Variants in PKHD1L1 observed in about 807,000 individuals in gnomAD.
The protein encoded by PKHD1L1 is PKHD1 like 1, also known as fibrocystin-L.
A neutral mutation model predicts 462.9 loss-of-function variants in PKHD1L1; 434 were observed. That is an observed-to-expected ratio of 0.94 (90% CI 0.87 to 1.02). The LOEUF is 1.02. Ranked by LOEUF, PKHD1L1 falls within the 50% of genes least tolerant of loss-of-function variation. The probability of loss-of-function intolerance (pLI) is 0.00; values close to 1 mark genes in which losing one functional copy is unlikely to be tolerated. For missense variants in PKHD1L1, 5,202 were observed against 5,096.1 expected (o/e 1.02, Z -0.63); for synonymous variants, 1,781 against 1,750.0 (o/e 1.02, Z -0.44).
At chr8:109,436,138 G>A (rs987197342) in intron 29 of PKHD1L1, among the ~76,000 whole-genome samples, 200 bp from the exon 30 acceptor site, 1 of 152,142 alleles carries the variant, frequency 6.6e-6, no homozygotes, top group Non-Finnish European at 1.5e-5. Context: ...CTCATTTATG[G>A]TTCTGAGCAA....
Position 109,444,938 on chromosome 8 carries a change from G to C in PKHD1L1, c.5069G>C (p.Gly1690Ala). The C allele has an allele frequency of 6.2e-7, 1 of 1,614,004 alleles. No individual in the cohort carries two copies. The highest frequency in any genetic ancestry group is 1.3e-5 in the African/African-American group (1 of 75,042). ...KGSGFAVSSA[G>A]VKVLMGHFPC... is the part of the protein sequence containing the mutation. ...TCTGGATTTGCCGTTTCTTCTGCAG[G>C]TGTAAAAGTCCTTATGGGTCATTTC... The change falls in exon 38 of 78, where the codon GGT (glycine) becomes GCT (alanine). Residue 1690 changes from glycine (G) to alanine (A), a missense_variant. Physicochemically the swap from Gly to Ala is moderately conservative, Grantham distance 60 (BLOSUM62 0). Transcript: ENST00000378402.
chr8:109,450,331 T>A (rs1416837045), intron 40 of PKHD1L1, among the ~76,000 whole-genome samples: 20 of 152,242 alleles, frequency 1.3e-4, no homozygotes. Flanking sequence ...ACACATTTTT[T>A]AAAACCTTAG....
At chr8:109,395,339 G>T (rs1812915659) in intron 10 of PKHD1L1, among the ~76,000 whole-genome samples, 1 of 152,088 alleles carries the variant, frequency 6.6e-6, no homozygotes, top group African/African-American at 2.4e-5. Flanking sequence ...TGAGAAAATT[G>T]TACGTCATTC....
At position 109,370,777 on chromosome 8, in the gene PKHD1L1, C is replaced by T. The variant is rs1266695601; in HGVS notation, c.163+6141C>T. On this transcript the variant is annotated intron_variant, in intron 2 of 77. Transcript: ENST00000378402. Reference sequence around the variant, plus strand: ...TGTGGTGTTTGGTTTTTTGTCCTCGCGATAGCTTGCTGAGAATGATGGTTT... The same window carrying T: ...TGTGGTGTTTGGTTTTTTGTCCTCGTGATAGCTTGCTGAGAATGATGGTTT... 5.3e-5 allele frequency among the ~76,000 whole-genome samples: 8 copies of T among 152,174 alleles called. No individual in the cohort carries two copies. The East Asian group carries it at 5.8e-4, about 11-fold the overall frequency.
At position 109,481,758 on chromosome 8, in the gene PKHD1L1, T is replaced by C. The variant is rs375145496; in HGVS notation, c.9457+196T>C. On this transcript the variant is annotated intron_variant, in intron 56 of 77. Coordinates refer to ENST00000378402, the MANE Select transcript of PKHD1L1 (RefSeq NM_177531.6). ...ATAGAAGTAGCAGAGATTTTAGAAT[T>C]AAATAACCTCACATTTCACCAGGTT... Among the ~76,000 whole-genome samples, 57 of 151,970 alleles carry C rather than the reference T, an allele frequency of 3.8e-4. 2 individuals are homozygous for C. The South Asian group carries it at 0.012, about 31-fold the overall frequency.
intron 42 of PKHD1L1, 113 bp from the exon 43 acceptor site, chr8:109,452,605 A>G: frequency 1.9e-6 from 1 of 517,746 alleles, no homozygotes; most frequent in Non-Finnish European, 2.8e-6. Flanking sequence ...GTTTATATAT[A>G]TTTACTATAT....
At chr8:109,497,772 C>T (rs1271555430) in intron 65 of PKHD1L1, among the ~76,000 whole-genome samples, 1 of 149,242 alleles carries the variant, frequency 6.7e-6, no homozygotes, top group East Asian at 2.0e-4. Flanking sequence ...CCTCTTCTTG[C>T]TTATCACCTG....
intron 67 of PKHD1L1, among the ~76,000 whole-genome samples, chr8:109,503,315 C>A (rs1310926654): frequency 2.3e-5 from 3 of 132,554 alleles, no homozygotes; most frequent in East Asian, 2.4e-4. Flanking sequence ...CAAAAACAAA[C>A]AAAAAAAAAA....
At chr8:109,409,789 T>G (rs1813741315) in intron 18 of PKHD1L1, 76 bp from the exon 19 acceptor site, 1 of 639,146 alleles carries the variant, frequency 1.6e-6, no homozygotes, top group African/African-American at 1.9e-5. Context: ...AACTAATTAG[T>G]AGAATCAGTA....
intron 30 of PKHD1L1, among the ~76,000 whole-genome samples, chr8:109,438,055 A>G (rs573148510): frequency 6.6e-6 from 1 of 152,188 alleles, no homozygotes; most frequent in South Asian, 2.1e-4. Flanking sequence ...ACAATATTGT[A>G]GAGCCATCAG....
At chr8:109,486,257 T>C (rs778594018) in intron 58 of PKHD1L1, among the ~76,000 whole-genome samples, 80 of 152,050 alleles carry the variant, frequency 5.3e-4, no homozygotes, top group Non-Finnish European at 8.0e-4. Flanking sequence ...CTCCTAGCTT[T>C]GGGCAAATTC....
chr8:109,394,509 G>T, intron 10 of PKHD1L1, 24 bp downstream of exon 10: 1 of 1,423,102 alleles, frequency 7.0e-7, no homozygotes, highest in Non-Finnish European at 9.5e-7. Context: ...CTTTCACTCT[G>T]TTGCGGGGGT....
chr8:109,481,480 C>G lies in PKHD1L1; in HGVS notation c.9375C>G (p.Asp3125Glu), dbSNP rs1387871071. The G allele has an allele frequency of 6.3e-7, 1 of 1,599,462 alleles. No individual in the cohort carries two copies. The highest frequency in any genetic ancestry group is 8.5e-7 in the Non-Finnish European group (1 of 1,172,126). The stretch of plus-strand genomic sequence containing the variant: ...GGGAAGATAACCCTTTTAAAGGAGA[C>G]TTAAAGATTGTTCTTAGAGGAAATC... Reference protein sequence around the residue: ...GGWEDNPFKGDLKIVLRGNHT... With the variant: ...GGWEDNPFKGELKIVLRGNHT... Residue 3125 changes from aspartate (D) to glutamate (E), a missense_variant, in exon 56 of 78, where the codon GAC becomes GAG. Asp to Glu is a conservative substitution (Grantham distance 45, BLOSUM62 2). Around this residue, in one of 3 missense-constraint regions of PKHD1L1, gnomAD observed 4,497 missense variants for 4,336.8 expected, o/e 1.04. Coordinates refer to ENST00000378402, the MANE Select transcript of PKHD1L1 (RefSeq NM_177531.6).
intron 70 of PKHD1L1, among the ~76,000 whole-genome samples, chr8:109,508,744 A>G (rs538900831): frequency 2.4e-4 from 37 of 152,272 alleles, no homozygotes; most frequent in African/African-American, 8.9e-4. Context: ...CTTGCTATCA[A>G]CATGTTTTTT....
chr8:109,407,716 A>G (rs956978372), intron 17 of PKHD1L1, among the ~76,000 whole-genome samples: 2 of 152,178 alleles, frequency 1.3e-5, no homozygotes, highest in Admixed American at 1.3e-4. Context: ...GCACAAAACT[A>G]AAAGAATTTT....
chr8:109,491,762 A>T, intron 61 of PKHD1L1, 111 bp from the exon 62 acceptor site: 1 of 1,065,408 alleles, frequency 9.4e-7, no homozygotes, highest in Non-Finnish European at 1.3e-6. Flanking sequence ...GTCAGGCTCA[A>T]AGTAGAAAAA....
At chr8:109,416,415 C>T (rs964204970) in intron 21 of PKHD1L1, among the ~76,000 whole-genome samples, 2 of 152,284 alleles carry the variant, frequency 1.3e-5, no homozygotes, top group South Asian at 2.1e-4. Context: ...ATGGTGTTTG[C>T]ACAGAACCAT....
chr8:109,417,451 C>G (rs1814237951), intron 21 of PKHD1L1, among the ~76,000 whole-genome samples: 1 of 152,090 alleles, frequency 6.6e-6, no homozygotes, highest in African/African-American at 2.4e-5. Context: ...CTAAATGTTG[C>G]AAGACCTTTA....
At chr8:109,422,654 A>G (rs1292362045) in intron 23 of PKHD1L1, among the ~76,000 whole-genome samples, 4 of 152,170 alleles carry the variant, frequency 2.6e-5, no homozygotes, top group African/African-American at 7.2e-5. Flanking sequence ...GGTTTTGGCT[A>G]TTATGAATTA....
Sources: allele counts gnomAD v4.1 joint callset (sites outside exome capture counted in the v4.1 genomes callset), GRCh38; gene constraint gnomAD v4.1.1; regional missense constraint gnomAD v4.1.1; transcripts MANE v1.5; gene names NCBI Gene and HGNC (gene_info 2026-07-23, HGNC 2026-07-21).